ASIC2: variants seen among roughly 807,000 people sequenced by gnomAD.
ASIC2 encodes acid sensing ion channel subunit 2.
ASIC2 carries 25 observed loss-of-function variants against 57.3 expected under a neutral mutation model. The ratio of observed to expected loss-of-function variants is 0.44; its 90% confidence interval spans 0.32 to 0.61. The LOEUF (loss-of-function observed/expected upper bound fraction) is 0.61. Among genes scored for constraint, ASIC2 ranks in the 20% least tolerant of loss-of-function variants. The pLI is 0.06. For missense variants in ASIC2, 641 were observed against 738.1 expected (o/e 0.87, Z 1.52); for synonymous variants, 319 against 307.5 (o/e 1.04, Z -0.39).
intron 1 of ASIC2, among the ~76,000 whole-genome samples, chr17:34,016,440 A>AAG (rs1291956679): frequency 3.0e-4 from 46 of 150,846 alleles, no homozygotes; most frequent in African/African-American, 1.0e-3. Context: ...AAAAAAAAAA[A>AAG]AAAAAAAGAA....
At chr17:33,932,047 G>A (rs968893908) in intron 1 of ASIC2, among the ~76,000 whole-genome samples, 6 of 152,100 alleles carry the variant, frequency 3.9e-5, no homozygotes, top group African/African-American at 1.4e-4. Flanking sequence ...TCCCAAGAGG[G>A]AGCTGAGCCA....
chr17:33,730,483 T>A (rs991884538), intron 1 of ASIC2, among the ~76,000 whole-genome samples: 1 of 152,226 alleles, frequency 6.6e-6, no homozygotes, highest in African/African-American at 2.4e-5. Context: ...AACTCATTCA[T>A]CCATTTATTC....
chr17:33,475,809 C>T (rs1356652164), intron 1 of ASIC2, among the ~76,000 whole-genome samples: 1 of 152,208 alleles, frequency 6.6e-6, no homozygotes, highest in Non-Finnish European at 1.5e-5. Flanking sequence ...CCTCCCCCAT[C>T]CCCATCCCCT....
At chr17:33,398,023 G>A (rs1456210316) in intron 1 of ASIC2, among the ~76,000 whole-genome samples, 1 of 152,172 alleles carries the variant, frequency 6.6e-6, no homozygotes, top group East Asian at 1.9e-4. Flanking sequence ...TGGGAGCAGT[G>A]CAGGGGATGG....
intron 3 of ASIC2, among the ~76,000 whole-genome samples, chr17:33,038,187 T>C (rs16967911): frequency 6.6e-6 from 1 of 152,154 alleles, no homozygotes; most frequent in Admixed American, 6.5e-5. Flanking sequence ...CAGATGCTAG[T>C]AGGTACTTGC....
intron 1 of ASIC2, among the ~76,000 whole-genome samples, chr17:33,257,010 G>A (rs1181434141): frequency 6.6e-6 from 1 of 152,210 alleles, no homozygotes; most frequent in East Asian, 1.9e-4. Context: ...AGGTGCAGGT[G>A]CAGAGATGGT....
At chr17:33,925,163 T>A (rs2141967712) in intron 1 of ASIC2, among the ~76,000 whole-genome samples, 1 of 152,352 alleles carries the variant, frequency 6.6e-6, no homozygotes, top group East Asian at 1.9e-4. Flanking sequence ...TGGATTCAAG[T>A]CCAGCTATGT....
intron 1 of ASIC2, among the ~76,000 whole-genome samples, chr17:33,594,779 G>A (rs1229815649): frequency 6.7e-6 from 1 of 148,544 alleles, no homozygotes; most frequent in African/African-American, 2.5e-5. Flanking sequence ...AGTGAGCCTA[G>A]ATCGCACCAC....
chr17:33,581,392 G>A (rs1904436384), intron 1 of ASIC2: 1 of 152,180 alleles, frequency 6.6e-6, no homozygotes, highest in African/African-American at 2.4e-5. Context: ...GCCCCAGCCA[G>A]CTGACAGATT....
chr17:33,199,665 AT>A (rs1387403550), intron 1 of ASIC2, among the ~76,000 whole-genome samples: 2 of 152,092 alleles, frequency 1.3e-5, no homozygotes, highest in African/African-American at 4.8e-5. Flanking sequence ...GGGTAAACAC[AT>A]TTCTAGCTTC....
intron 1 of ASIC2, among the ~76,000 whole-genome samples, chr17:33,868,865 A>T (rs1252225683): frequency 1.3e-5 from 2 of 152,208 alleles, no homozygotes; most frequent in Non-Finnish European, 2.9e-5. Context: ...GGAGTTTAAG[A>T]CCAGCCAGGG....
intron 1 of ASIC2, among the ~76,000 whole-genome samples, chr17:33,673,087 G>A (rs905638513): frequency 2.0e-5 from 3 of 152,206 alleles, no homozygotes; most frequent in African/African-American, 7.2e-5. Context: ...AGAGAAATCA[G>A]GGGTGACCTC....
intron 1 of ASIC2, among the ~76,000 whole-genome samples, chr17:33,756,333 G>T (rs1182175722): frequency 6.6e-6 from 1 of 152,192 alleles, no homozygotes; most frequent in Non-Finnish European, 1.5e-5. Flanking sequence ...TGCAGCTCAG[G>T]TGTCTTTATG....
At chr17:33,096,861 G>T (rs1194053065) in intron 2 of ASIC2, among the ~76,000 whole-genome samples, 1 of 152,212 alleles carries the variant, frequency 6.6e-6, no homozygotes, top group Non-Finnish European at 1.5e-5. Flanking sequence ...TCTGGGACAG[G>T]TGCACACTGG....
intron 1 of ASIC2, among the ~76,000 whole-genome samples, chr17:33,351,863 A>G (rs1567832187): frequency 6.6e-6 from 1 of 152,042 alleles, no homozygotes; most frequent in Non-Finnish European, 1.5e-5. Flanking sequence ...GTGCTGGGGG[A>G]TGAGGATGGG....
At chr17:33,375,083 T>C (rs1048528830) in intron 1 of ASIC2, among the ~76,000 whole-genome samples, 2 of 152,202 alleles carry the variant, frequency 1.3e-5, no homozygotes, top group African/African-American at 4.8e-5. Context: ...ATTAATTAAT[T>C]ATTTATTCAT....
At chr17:33,574,459 A>G (rs1916553941) in intron 1 of ASIC2, among the ~76,000 whole-genome samples, 1 of 152,176 alleles carries the variant, frequency 6.6e-6, no homozygotes, top group South Asian at 2.1e-4. Flanking sequence ...AGACTGGATA[A>G]TCCCTTGTTT....
chr17:33,600,720 ATAAT>A (rs1013997137), intron 1 of ASIC2, among the ~76,000 whole-genome samples: 1 of 152,196 alleles, frequency 6.6e-6, no homozygotes, highest in Non-Finnish European at 1.5e-5. Flanking sequence ...AACACTAGGC[ATAAT>A]TAAGGGCAAT....
intron 3 of ASIC2, among the ~76,000 whole-genome samples, chr17:33,067,333 C>T (rs1274612420): frequency 6.6e-6 from 1 of 152,062 alleles, no homozygotes; most frequent in Non-Finnish European, 1.5e-5. Context: ...GAGAAGGCTT[C>T]CTGGAGGAGG....
Sources: gnomAD v4.1 joint callset for allele counts (sites outside exome capture counted in the v4.1 genomes callset) on GRCh38, gnomAD v4.1.1 for gene constraint, MANE v1.5 for transcripts, NCBI Gene and HGNC (gene_info 2026-07-23, HGNC 2026-07-21) for gene names.